Variants in CEACAM16 observed in about 807,000 individuals in gnomAD.
CEACAM16 encodes CEA cell adhesion molecule 16, tectorial membrane component.
CEACAM16 carries 30 observed loss-of-function variants against 39.4 expected under a neutral mutation model. The observed-to-expected ratio is 0.76, with a 90% CI of 0.57 to 1.03. CEACAM16 has a LOEUF of 1.03. Ranked by LOEUF, CEACAM16 falls within the 50% of genes least tolerant of loss-of-function variation. CEACAM16 has a pLI of 0.00. For missense variants in CEACAM16, 521 were observed against 585.3 expected, an observed-to-expected ratio of 0.89 and a Z score of 1.13; for synonymous variants, 262 against 264.9, an observed-to-expected ratio of 0.99 and a Z score of 0.11.
intron 1 of CEACAM16, 171 bp downstream of exon 1, chr19:44,699,431 CTTT>C: frequency 9.9e-6 from 4 of 404,306 alleles, no homozygotes; most frequent in Admixed American, 2.7e-5. Context: ...AGAGCCTATA[CTTT>C]TTTTTTTTTG....
intron 1 of CEACAM16, among the ~76,000 whole-genome samples, chr19:44,700,226 C>T (rs985846341): frequency 2.0e-5 from 3 of 152,124 alleles, no homozygotes; most frequent in African/African-American, 4.8e-5. Flanking sequence ...AGGCTGGTCT[C>T]GAACTCCTGA....
rs1974441602 is a variant in CEACAM16 at position 44,705,998 on chromosome 19, C to T, written c.940+130C>T. ...TTCACAGTTCATTCATGAGCTGTGACAAAGTGGCATATCAGGCAGATCTGT... is the reference window on the plus strand; with the variant it reads ...TTCACAGTTCATTCATGAGCTGTGATAAAGTGGCATATCAGGCAGATCTGT... On this transcript the variant is annotated intron_variant, in intron 5 of 6. Transcript: ENST00000587331. The T allele has an allele frequency of 7.2e-6, 8 of 1,113,800 alleles. No homozygotes were observed. In the South Asian group the frequency reaches 1.2e-4, roughly 17 times the overall value. The allele number at this position is 1,113,800 out of a possible 1,614,324, so 69.0% of individuals were successfully genotyped here.
At chr19:44,708,865 G>A (rs1457362372) in intron 6 of CEACAM16, among the ~76,000 whole-genome samples, 6 of 152,206 alleles carry the variant, frequency 3.9e-5, no homozygotes, top group Non-Finnish European at 8.8e-5. Context: ...CATCAGACTG[G>A]GAGCTCTTAG....
intron 5 of CEACAM16, among the ~76,000 whole-genome samples, chr19:44,707,148 G>A (rs2122202310): frequency 6.6e-6 from 1 of 152,260 alleles, no homozygotes. Flanking sequence ...AGGAGACATG[G>A]CCCTGTTTTT....
rs963738165 is a variant in CEACAM16 at position 44,701,278 on chromosome 19, A to G, written c.-96-83A>G. On this transcript the variant is annotated intron_variant, in intron 1 of 6. Coordinates refer to ENST00000587331, the MANE Select transcript of CEACAM16 (RefSeq NM_001039213.4). This position sits in a 1 kb window ranked among gnomAD's most constrained non-coding sequence, Gnocchi z 4.0. ...GCCCGCCACACCCACCCTGGTACCC[A>G]AACCGGGCCCCAGATCCTTGGTGAC... 1 of 730,170 alleles carries G rather than the reference A, an allele frequency of 1.4e-6. No homozygotes were observed. The highest frequency in any genetic ancestry group is 2.4e-6 in the Non-Finnish European group (1 of 423,658). The allele number at this position is 730,170 out of a possible 1,614,324, so 45.2% of individuals were successfully genotyped here. A position where few individuals can be genotyped will look rare whatever the true frequency, so the allele number is the denominator to read the frequency against.
chr19:44,706,297 C>T (rs145556285), intron 5 of CEACAM16, among the ~76,000 whole-genome samples: 49 of 125,156 alleles, frequency 3.9e-4, no homozygotes, highest in African/African-American at 1.1e-3. Context: ...CACACACACA[C>T]ACACACACAC....
At chr19:44,704,387 A>C (rs1244220062) in intron 4 of CEACAM16, 91 bp downstream of exon 4, 20 of 1,399,678 alleles carry the variant, frequency 1.4e-5, no homozygotes, top group Non-Finnish European at 1.8e-5. Flanking sequence ...AAGGGCACAC[A>C]GCGAGTCAGC....
chr19:44,706,052 C>T (rs1160023677), intron 5 of CEACAM16, among the ~76,000 whole-genome samples, 184 bp downstream of exon 5: 2 of 152,232 alleles, frequency 1.3e-5, no homozygotes, highest in South Asian at 2.1e-4. Context: ...AGAGACAGCC[C>T]GTGTCCTGTT....
chr19:44,708,444 A>AC (rs1180231077), intron 6 of CEACAM16, among the ~76,000 whole-genome samples: 1 of 151,914 alleles, frequency 6.6e-6, no homozygotes, highest in Non-Finnish European at 1.5e-5. Context: ...GCTAAAGGGG[A>AC]CCCCCATGCC....
At chr19:44,707,508 A>C (rs1599813937) in intron 5 of CEACAM16, among the ~76,000 whole-genome samples, 5 of 151,426 alleles carry the variant, frequency 3.3e-5, no homozygotes, top group Middle Eastern at 7.0e-3. Flanking sequence ...CATGGTCCCC[A>C]TTTTCTGGGA....
At chr19:44,703,979 G>C (rs1185430003) in intron 3 of CEACAM16, 39 bp from the exon 4 acceptor site, 1 of 1,541,074 alleles carries the variant, frequency 6.5e-7, no homozygotes, top group African/African-American at 1.4e-5. Context: ...AGAGCAGGTG[G>C]TGTCCGGCCC....
chr19:44,707,704 C>T, intron 5 of CEACAM16, among the ~76,000 whole-genome samples, 157 bp from the exon 6 acceptor site: 1 of 152,204 alleles, frequency 6.6e-6, no homozygotes, highest in East Asian at 1.9e-4. Flanking sequence ...CCAGAATCCA[C>T]CTCCACCACC....
At chr19:44,709,681 G>A (rs1322541953) in intron 6 of CEACAM16, among the ~76,000 whole-genome samples, 2 of 141,062 alleles carry the variant, frequency 1.4e-5, no homozygotes, top group African/African-American at 5.5e-5. Context: ...CCAGAGTCAG[G>A]GACCATGTCT....
intron 6 of CEACAM16, 72 bp downstream of exon 6, chr19:44,708,259 C>G (rs1974484009): frequency 6.4e-6 from 9 of 1,395,896 alleles, no homozygotes; most frequent in Non-Finnish European, 8.6e-6. Flanking sequence ...TTTGCTTCCT[C>G]CATCAGGCTG....
Position 44,710,469 on chromosome 19 carries a change from C to T in CEACAM16, c.1268-27C>T, listed in dbSNP as rs374135385. 185 of 1,607,996 alleles carry T rather than the reference C, an allele frequency of 1.2e-4. 1 individual carries two copies. Among genetic ancestry groups the T allele is most frequent in the East Asian group, 2.2e-4 (10 of 44,600 alleles). ...CCTCCATCTCTCTGACATCCTCCTT[C>T]GCCCCCTCGCCCCATATGCCCCACA... On this transcript the variant is annotated intron_variant, in intron 6 of 6. Transcript: ENST00000587331.
intron 6 of CEACAM16, among the ~76,000 whole-genome samples, chr19:44,709,794 C>T (rs1030695776): frequency 1.4e-5 from 2 of 147,426 alleles, no homozygotes; most frequent in Non-Finnish European, 3.0e-5. Flanking sequence ...AGACTGGGAG[C>T]TCCCAGAGTC....
rs377354048 is a variant in CEACAM16, at chr19:44,708,090, G to A, written c.1170G>A (p.Val390=). Residue 390 remains valine, a synonymous_variant, in exon 6 of 7, where the codon GTG becomes GTA. Coordinates refer to ENST00000587331, the MANE Select transcript of CEACAM16 (RefSeq NM_001039213.4). ...GCTTCCCCAACTGCTCGCTGTTGGT[G>A]CAGAAGCTGAACCTCACAGACACTG... The part of the protein sequence containing the change: ...EVGFPNCSLL[V]QKLNLTDTGR... 1.9e-6 allele frequency: 3 copies of A among 1,611,606 alleles called. No individual in the cohort carries two copies. The highest frequency in any genetic ancestry group is 2.7e-5 in the African/African-American group (2 of 74,876).
At chr19:44,700,240 C>CAA (rs1974323304) in intron 1 of CEACAM16, among the ~76,000 whole-genome samples, 1 of 152,014 alleles carries the variant, frequency 6.6e-6, no homozygotes, top group African/African-American at 2.4e-5. Context: ...CTCCTGACCT[C>CAA]GTGAGCCACC....
Position 44,710,586 on chromosome 19 carries a change from C to G in CEACAM16, c.*80C>G. The G allele has an allele frequency of 4.4e-6, 7 of 1,579,924 alleles. No homozygotes were observed. Among genetic ancestry groups the G allele is most frequent in the Non-Finnish European group, 6.1e-6 (7 of 1,149,532 alleles). ...CCTCGCCCTCTGAGTGGGAACCACT[C>G]CCCCACAGCGAGGATGCCAGGCTGT... On this transcript the variant is annotated 3_prime_UTR_variant, in exon 7 of 7. Transcript: ENST00000587331.
Sources: allele counts gnomAD v4.1 joint callset (sites outside exome capture counted in the v4.1 genomes callset), GRCh38; gene constraint gnomAD v4.1.1; non-coding constraint Gnocchi (gnomAD v3.1); transcripts MANE v1.5; gene names NCBI Gene and HGNC (gene_info 2026-07-23, HGNC 2026-07-21).